Variants in CALN1 observed in about 807,000 individuals in gnomAD.
The protein encoded by CALN1 is calneuron 1, also known as calcium-binding protein 8.
A neutral mutation model predicts 30.6 loss-of-function variants in CALN1; 17 were observed. The observed-to-expected ratio is 0.56, with a 90% confidence interval of 0.38 to 0.83. The LOEUF is 0.83. Among genes scored for constraint, CALN1 ranks in the 40% least tolerant of loss-of-function variants. The probability of loss-of-function intolerance (pLI) is 0.00; values close to 1 mark genes in which losing one functional copy is unlikely to be tolerated. For synonymous variants in CALN1, 156 were observed against 131.4 expected, an observed-to-expected ratio of 1.19 and a Z score of -1.28; for missense variants, 291 against 354.9, an observed-to-expected ratio of 0.82 and a Z score of 1.45.
intron 3 of CALN1, among the ~76,000 whole-genome samples, chr7:72,231,748 A>T (rs1369537836): frequency 6.6e-6 from 1 of 152,230 alleles, no homozygotes; most frequent in East Asian, 1.9e-4. Context: ...GATTTCAGGC[A>T]TCCACTGGGG....
At chr7:72,271,749 G>C (rs925414735) in intron 3 of CALN1, among the ~76,000 whole-genome samples, 17 of 151,030 alleles carry the variant, frequency 1.1e-4, no homozygotes, top group South Asian at 4.2e-4. Context: ...AGATGCTGCA[G>C]AAAGTCCTGA....
At position 72,089,973 on chromosome 7, in the gene CALN1, T is replaced by A. The variant is rs140428209; in HGVS notation, c.388+16178A>T. 4.4e-3 allele frequency among the ~76,000 whole-genome samples: 665 copies of A among 152,260 alleles called. 1 individual carries two copies. The highest frequency in any genetic ancestry group is 7.5e-3 in the Non-Finnish European group (509 of 68,032). On this transcript the variant is annotated intron_variant, in intron 4 of 6. Transcript: ENST00000395275. ...TCTTATTCTTGGTTACAGAGAAAAA[T>A]CTTAGCAAATATCAGGTTATACTTA...
intron 5 of CALN1, among the ~76,000 whole-genome samples, chr7:71,849,670 A>C (rs1245424698): frequency 6.6e-6 from 1 of 152,140 alleles, no homozygotes; most frequent in Non-Finnish European, 1.5e-5. Context: ...AAAAGGCAGG[A>C]TGTTATTCAG....
At chr7:71,895,062 C>T (rs1793460664) in intron 5 of CALN1, among the ~76,000 whole-genome samples, 1 of 151,916 alleles carries the variant, frequency 6.6e-6, no homozygotes, top group South Asian at 2.1e-4. Context: ...TCAAGCGAGC[C>T]TCTCATCTCA....
In CALN1 at chr7:71,845,719, C is replaced by T. The variant is rs375570475; in HGVS notation, c.502-35227G>A. 4.6e-5 allele frequency among the ~76,000 whole-genome samples: 7 copies of T among 152,260 alleles called. No homozygotes were observed. In the East Asian group the frequency reaches 7.7e-4, roughly 17 times the overall value. On this transcript the variant is annotated intron_variant, in intron 5 of 6. Coordinates refer to ENST00000395275, the MANE Select transcript of CALN1 (RefSeq NM_031468.4). ...CACCCAGAATTCAGCTGATTCTGGT[C>T]ATCACTTCTAGGGCTGACCTGGGAT...
At chr7:72,366,756 A>G (rs1803900288) in intron 2 of CALN1, among the ~76,000 whole-genome samples, 1 of 152,166 alleles carries the variant, frequency 6.6e-6, no homozygotes, top group Non-Finnish European at 1.5e-5. Context: ...CCATTATGAT[A>G]ACCATTTATT....
intron 5 of CALN1, among the ~76,000 whole-genome samples, chr7:71,926,214 T>C (rs1170205841): frequency 6.6e-6 from 1 of 152,186 alleles, no homozygotes; most frequent in Non-Finnish European, 1.5e-5. Flanking sequence ...CAGCTCCATG[T>C]GTCCCCGATG....
At chr7:72,051,064 A>C (rs1802806112) in intron 4 of CALN1, among the ~76,000 whole-genome samples, 1 of 151,516 alleles carries the variant, frequency 6.6e-6, no homozygotes, top group Admixed American at 6.6e-5. Context: ...GGAAAGGAAA[A>C]AATAAAACAT....
chr7:72,337,019 T>C (rs1802107920), intron 2 of CALN1: 29 of 985,434 alleles, frequency 2.9e-5, no homozygotes, highest in Non-Finnish European at 3.5e-5. Context: ...TGGGGACGTG[T>C]GCCCCGCACC....
intron 4 of CALN1, among the ~76,000 whole-genome samples, chr7:72,033,623 T>C (rs1392235198): frequency 6.6e-6 from 1 of 152,032 alleles, no homozygotes; most frequent in Non-Finnish European, 1.5e-5. Flanking sequence ...CTGAGTGGCC[T>C]GAGCAATGGT....
chr7:72,319,358 G>C (rs1326429271), intron 2 of CALN1, among the ~76,000 whole-genome samples: 1 of 152,192 alleles, frequency 6.6e-6, no homozygotes, highest in Non-Finnish European at 1.5e-5. Context: ...GGCAGGCAAA[G>C]ACAGAGAGCT....
At chr7:72,407,047 T>G (rs1806744338) in intron 1 of CALN1, among the ~76,000 whole-genome samples, 1 of 152,222 alleles carries the variant, frequency 6.6e-6, no homozygotes, top group Non-Finnish European at 1.5e-5. Flanking sequence ...CAAAAAGTGA[T>G]GTAGCCCTGG....
rs1279415067 is a variant in CALN1 at position 71,903,933 on chromosome 7, T to C, written c.502-93441A>G. On this transcript the variant is annotated intron_variant, in intron 5 of 6. Coordinates refer to ENST00000395275, the MANE Select transcript of CALN1 (RefSeq NM_031468.4). ...CAAAATAAGACATATGAATAGCCAA[T>C]AGGTATATGAAAAAATGCTCAACAT... Among the ~76,000 whole-genome samples, 9 of 151,992 alleles carry C rather than the reference T, an allele frequency of 5.9e-5. No individual in the cohort carries two copies. The South Asian group carries it at 1.0e-3, about 17-fold the overall frequency.
chr7:72,147,839 A>G (rs1786879080), intron 3 of CALN1, among the ~76,000 whole-genome samples: 1 of 151,660 alleles, frequency 6.6e-6, no homozygotes, highest in Non-Finnish European at 1.5e-5. Flanking sequence ...TCAGTAAACT[A>G]TCGCAAGGAC....
At chr7:72,048,447 A>G (rs1016051780) in intron 4 of CALN1, among the ~76,000 whole-genome samples, 3 of 152,174 alleles carry the variant, frequency 2.0e-5, no homozygotes, top group African/African-American at 4.8e-5. Flanking sequence ...AAGAAATAAC[A>G]GGGAAGGGGT....
At chr7:72,061,020 A>G (rs1241638343) in intron 4 of CALN1, among the ~76,000 whole-genome samples, 1 of 152,226 alleles carries the variant, frequency 6.6e-6, no homozygotes, top group Non-Finnish European at 1.5e-5. Flanking sequence ...CAGAATGGCC[A>G]ACGGGTGGAG....
intron 3 of CALN1, among the ~76,000 whole-genome samples, chr7:72,129,258 T>C (rs1289180201): frequency 2.0e-5 from 3 of 152,204 alleles, no homozygotes; most frequent in African/African-American, 7.2e-5. Context: ...AAACAGGCCC[T>C]CTCAAACATT....
At chr7:72,223,840 C>T (rs149902475) in intron 3 of CALN1, among the ~76,000 whole-genome samples, 5 of 152,274 alleles carry the variant, frequency 3.3e-5, no homozygotes, top group African/African-American at 1.2e-4. Flanking sequence ...GAAATCGTGT[C>T]CTCGGCAGCA....
intron 5 of CALN1, among the ~76,000 whole-genome samples, chr7:71,978,515 C>T (rs967359181): frequency 6.6e-6 from 1 of 151,944 alleles, no homozygotes; most frequent in African/African-American, 2.4e-5. Flanking sequence ...ACCTCGTGAT[C>T]CGCCCACCTC....
Sources: gnomAD v4.1 joint callset for allele counts (sites outside exome capture counted in the v4.1 genomes callset) on GRCh38, gnomAD v4.1.1 for gene constraint, MANE v1.5 for transcripts, NCBI Gene and HGNC (gene_info 2026-07-23, HGNC 2026-07-21) for gene names.